Variants in ADAM10 observed in about 807,000 individuals in gnomAD.
ADAM10 encodes disintegrin and metalloproteinase domain-containing protein 10.
In ADAM10, 17 loss-of-function variants were observed where a neutral mutation model predicts 90.1. The observed-to-expected ratio is 0.19, with a 90% CI of 0.13 to 0.28. The LOEUF (loss-of-function observed/expected upper bound fraction) is 0.28. ADAM10 is among the 10% of genes least tolerant of loss of function. The pLI is 1.00. For synonymous variants in ADAM10, 310 were observed against 298.6 expected (o/e 1.04, Z -0.40); for missense variants, 610 against 914.3 (o/e 0.67, Z 4.29).
Position 58,713,517 on chromosome 15 carries a change from A to G in ADAM10, c.206+4060T>C, listed in dbSNP as rs1898543900. 2.0e-5 allele frequency among the ~76,000 whole-genome samples: 3 copies of G among 152,208 alleles called. No individual in the cohort carries two copies. In the South Asian group the frequency reaches 6.2e-4, roughly 32 times the overall value. ...GAGTAGAGGACATATGCATGTAAATAAAGTTATAATAAAATAAATGCCATA... is the reference window on the plus strand; with the variant it reads ...GAGTAGAGGACATATGCATGTAAATGAAGTTATAATAAAATAAATGCCATA... On this transcript the variant is annotated intron_variant, in intron 2 of 15. Coordinates refer to ENST00000260408, the MANE Select transcript of ADAM10 (RefSeq NM_001110.4).
intron 14 of ADAM10, among the ~76,000 whole-genome samples, chr15:58,600,445 G>A (rs1294978453): frequency 6.6e-6 from 1 of 151,996 alleles, no homozygotes; most frequent in Non-Finnish European, 1.5e-5. Context: ...TTGAGACTCG[G>A]ACTAGTTATG....
At chr15:58,618,410 C>G (rs555508982) in intron 11 of ADAM10, among the ~76,000 whole-genome samples, 1 of 152,160 alleles carries the variant, frequency 6.6e-6, no homozygotes, top group East Asian at 1.9e-4. Context: ...AACGATGAAA[C>G]TACTAAAAGA....
intron 2 of ADAM10, among the ~76,000 whole-genome samples, chr15:58,709,173 A>C (rs1490583492): frequency 6.6e-6 from 1 of 152,190 alleles, no homozygotes; most frequent in Non-Finnish European, 1.5e-5. Context: ...TTAGTCACAT[A>C]AAATCCTTGC....
intron 2 of ADAM10, among the ~76,000 whole-genome samples, chr15:58,712,913 C>G (rs1013011710): frequency 2.0e-5 from 3 of 152,124 alleles, no homozygotes; most frequent in African/African-American, 7.2e-5. Flanking sequence ...TGATACATCA[C>G]GCACTTTCAC....
intron 14 of ADAM10, among the ~76,000 whole-genome samples, chr15:58,600,211 T>C (rs7166076): frequency 0.18 from 27,633 of 152,122 alleles, 2,849 homozygotes; most frequent in East Asian, 0.4. Flanking sequence ...AACCCAATCA[T>C]CACACTTATG....
At chr15:58,663,463 C>T (rs1321396837) in intron 5 of ADAM10, among the ~76,000 whole-genome samples, 1 of 152,136 alleles carries the variant, frequency 6.6e-6, no homozygotes, top group African/African-American at 2.4e-5. Context: ...ATTATTATAG[C>T]AAGTCTTAAT....
chr15:58,674,157 G>T (rs777899602), intron 4 of ADAM10, among the ~76,000 whole-genome samples: 6 of 152,062 alleles, frequency 3.9e-5, no homozygotes, highest in African/African-American at 1.5e-4. Context: ...TTCTGTGCCT[G>T]TGAGTTGTTT....
At chr15:58,729,724 G>A (rs1379571950) in intron 1 of ADAM10, among the ~76,000 whole-genome samples, 1 of 152,152 alleles carries the variant, frequency 6.6e-6, no homozygotes, top group African/African-American at 2.4e-5. Context: ...AGCACTTTGG[G>A]AGGCCAAGGC....
At chr15:58,611,218 A>G in intron 12 of ADAM10, 111 bp from the exon 13 acceptor site, 1 of 803,174 alleles carries the variant, frequency 1.2e-6, no homozygotes, top group South Asian at 1.5e-5. Flanking sequence ...TTAAATGGAA[A>G]TGAAAGTGAA....
At chr15:58,661,471 T>C (rs1896965334) in intron 5 of ADAM10, among the ~76,000 whole-genome samples, 1 of 152,196 alleles carries the variant, frequency 6.6e-6, no homozygotes, top group African/African-American at 2.4e-5. Context: ...GATGTTATTC[T>C]ATGTCTTCCA....
chr15:58,740,289 A>G (rs1391858167), intron 1 of ADAM10, among the ~76,000 whole-genome samples: 1 of 152,150 alleles, frequency 6.6e-6, no homozygotes, highest in Admixed American at 6.5e-5. Flanking sequence ...AAGTGCCTGT[A>G]GTCCCAGCTA....
rs1472284529 is a variant in ADAM10, at chr15:58,646,116, T to C, written c.674A>G (p.Tyr225Cys). 1 of 1,613,768 alleles carries C rather than the reference T, an allele frequency of 6.2e-7. No individual in the cohort carries two copies. The highest frequency in any genetic ancestry group is 1.1e-5 in the South Asian group (1 of 91,078). Residue 225 changes from tyrosine (Y) to cysteine (C), a missense_variant, in exon 6 of 16, where the codon TAT becomes TGT. By Grantham distance (194) the Tyr-to-Cys change is radical. This residue lies in a region of ADAM10 where 310 missense variants were observed against 362.4 expected (regional missense o/e 0.86). Transcript: ENST00000260408. The part of the protein sequence containing the change: ...TSAEKNTCQL[Y>C]IQTDHLFFKY... ...AAAGAACAAATGATCAGTCTGAATA[T>C]AAAGCTGACAAGTATTTTTTTCAGC...
chr15:58,656,676 AAG>A (rs146363005), intron 5 of ADAM10, among the ~76,000 whole-genome samples: 1,648 of 152,182 alleles, frequency 0.011, 41 homozygotes, highest in African/African-American at 0.034. Context: ...CTATATCCTG[AAG>A]AGTTATTTTT....
chr15:58,686,561 G>A (rs1897609710), intron 2 of ADAM10: 2 of 1,342,112 alleles, frequency 1.5e-6, no homozygotes, highest in African/African-American at 2.9e-5. Context: ...CCTGCTGGTG[G>A]GTGTTCTAGC....
intron 3 of ADAM10, among the ~76,000 whole-genome samples, chr15:58,680,097 C>T (rs1897388119): frequency 1.3e-5 from 2 of 152,034 alleles, no homozygotes; most frequent in Admixed American, 1.3e-4. Flanking sequence ...GGCTTCTGCG[C>T]TATGCTTAGG....
intron 1 of ADAM10, among the ~76,000 whole-genome samples, chr15:58,728,101 A>C (rs1291479275): frequency 6.6e-6 from 1 of 152,230 alleles, no homozygotes; most frequent in African/African-American, 2.4e-5. Context: ...TAGGCCACAA[A>C]GCACGTTTCC....
chr15:58,717,038 T>C lies in ADAM10; in HGVS notation c.206+539A>G, dbSNP rs185451451. ...ATGTTGAGAAGATTAAACAAGAAAA[T>C]GCATATAAAGCATCTAGAACACAAC... On this transcript the variant is annotated intron_variant, in intron 2 of 15. Transcript: ENST00000260408. Among the ~76,000 whole-genome samples the C allele has an allele frequency of 5.3e-5, 8 of 152,174 alleles. No homozygotes were observed. In the East Asian group the frequency reaches 1.5e-3, roughly 29 times the overall value.
At chr15:58,630,797 T>A (rs1457327349) in intron 9 of ADAM10, among the ~76,000 whole-genome samples, 1 of 152,198 alleles carries the variant, frequency 6.6e-6, no homozygotes, top group Non-Finnish European at 1.5e-5. Context: ...GTGTTTATGA[T>A]TCTGGCTGAT....
chr15:58,667,527 A>C (rs1458687110), intron 4 of ADAM10, among the ~76,000 whole-genome samples: 1 of 152,160 alleles, frequency 6.6e-6, no homozygotes, highest in Non-Finnish European at 1.5e-5. Context: ...ACTGGATGGT[A>C]ATCCCTCCAA....
Sources: allele counts gnomAD v4.1 joint callset (sites outside exome capture counted in the v4.1 genomes callset), GRCh38; gene constraint gnomAD v4.1.1; regional missense constraint gnomAD v4.1.1; transcripts MANE v1.5; gene names NCBI Gene and HGNC (gene_info 2026-07-23, HGNC 2026-07-21).